GALNT1: variants seen among roughly 807,000 people sequenced by gnomAD.
GALNT1 encodes the protein GalNAc transferase 1.
GALNT1 carries 17 observed loss-of-function variants against 65.7 expected under a neutral mutation model. That is an observed-to-expected ratio of 0.26 (90% confidence interval 0.18 to 0.39). The LOEUF is 0.39. Ranked by LOEUF, GALNT1 falls within the 10% of genes least tolerant of loss-of-function variation. The pLI is 1.00. For synonymous variants in GALNT1, 210 were observed against 219.7 expected, an observed-to-expected ratio of 0.96 and a Z score of 0.39; for missense variants, 460 against 672.8, an observed-to-expected ratio of 0.68 and a Z score of 3.50.
At position 35,650,861 on chromosome 18, in the gene GALNT1, C is replaced by T. The variant is rs542948655; in HGVS notation, c.-103-3699C>T. 8.6e-5 allele frequency among the ~76,000 whole-genome samples: 13 copies of T among 152,032 alleles called. No individual in the cohort carries two copies. The South Asian group carries it at 1.2e-3, about 15-fold the overall frequency. The stretch of plus-strand genomic sequence containing the variant: ...ACACAACCATCACAGGGTCCTGAGG[C>T]GACATTCATTCTCAGCTTAAGAAGA... On this transcript the variant is annotated intron_variant, in intron 1 of 11. Transcript: ENST00000269195.
chr18:35,645,243 T>TTTC (rs1221946566), intron 1 of GALNT1, among the ~76,000 whole-genome samples: 2 of 140,714 alleles, frequency 1.4e-5, no homozygotes, highest in Admixed American at 1.4e-4. Context: ...TTTTTTTTTT[T>TTTC]TCTGGGAGAT....
intron 1 of GALNT1, among the ~76,000 whole-genome samples, chr18:35,626,653 G>T (rs627302): frequency 0.34 from 50,970 of 152,022 alleles, 9,342 homozygotes; most frequent in Middle Eastern, 0.52. Context: ...TTCAGACATT[G>T]GGAGGTCTGG....
intron 4 of GALNT1, among the ~76,000 whole-genome samples, chr18:35,681,466 T>C (rs1284037971): frequency 6.6e-6 from 1 of 151,802 alleles, no homozygotes; most frequent in Non-Finnish European, 1.5e-5. Flanking sequence ...TTTTGTGAGT[T>C]ACCCGACCAC....
At chr18:35,598,138 C>T (rs916517222) in intron 1 of GALNT1, among the ~76,000 whole-genome samples, 7 of 150,704 alleles carry the variant, frequency 4.6e-5, no homozygotes, top group Non-Finnish European at 7.4e-5. Context: ...CGGATTCAAG[C>T]GATTCTCCTG....
chr18:35,595,051 TGTCAGTGTGAGGGTAAG>T (rs2046488411), intron 1 of GALNT1, among the ~76,000 whole-genome samples: 1 of 152,118 alleles, frequency 6.6e-6, no homozygotes. Flanking sequence ...TAAAGATCAG[TGTCAGTGTGAGGGTAAG>T]TTTTTTGGGA....
intron 1 of GALNT1, among the ~76,000 whole-genome samples, chr18:35,650,475 G>C (rs559331405): frequency 2.0e-5 from 3 of 152,286 alleles, no homozygotes; most frequent in Non-Finnish European, 4.4e-5. Context: ...CAGACAACCG[G>C]TCTGATCAAA....
At chr18:35,625,097 A>G (rs1313873792) in intron 1 of GALNT1, among the ~76,000 whole-genome samples, 1 of 152,240 alleles carries the variant, frequency 6.6e-6, no homozygotes, top group Non-Finnish European at 1.5e-5. Context: ...TGTCTTGTAG[A>G]TTAGTTTCTG....
chr18:35,679,376 G>C (rs2047755761), intron 4 of GALNT1, among the ~76,000 whole-genome samples: 1 of 152,106 alleles, frequency 6.6e-6, no homozygotes, highest in Non-Finnish European at 1.5e-5. Flanking sequence ...GCCCAAGAAG[G>C]CTGTGTAGAA....
intron 9 of GALNT1, among the ~76,000 whole-genome samples, chr18:35,693,102 CTGACAAGTGAGCG>C (rs975866982): frequency 7.9e-5 from 12 of 152,128 alleles, no homozygotes; most frequent in Admixed American, 3.3e-4. Flanking sequence ...TAGAGAATGA[CTGACAAGTGAGCG>C]TGGGTAGTAG....
chr18:35,605,355 G>A (rs1010688793), intron 1 of GALNT1, among the ~76,000 whole-genome samples: 9 of 152,026 alleles, frequency 5.9e-5, no homozygotes, highest in Middle Eastern at 3.4e-3. Flanking sequence ...AAAATTAGCC[G>A]GGTGTGATGA....
At chr18:35,651,746 A>T (rs538240227) in intron 1 of GALNT1, among the ~76,000 whole-genome samples, 1 of 152,372 alleles carries the variant, frequency 6.6e-6, no homozygotes, top group East Asian at 1.9e-4. Context: ...AATGGTGGCA[A>T]TAAAGGTAGC....
In GALNT1 at chr18:35,612,882, G is replaced by A. The variant is rs112076723; in HGVS notation, c.-104+31020G>A. 7.2e-3 allele frequency among the ~76,000 whole-genome samples: 1,095 copies of A among 151,590 alleles called. 20 individuals carry two copies. Among genetic ancestry groups the A allele is most frequent in the African/African-American group, 0.025 (1,016 of 41,294 alleles). On this transcript the variant is annotated intron_variant, in intron 1 of 11. Transcript: ENST00000269195. ...CTCTGTCTCAAAAAAAAAAAAATCCGTAGGCAGCTCTCCATCATACCTCAC... is the reference window on the plus strand; with the variant it reads ...CTCTGTCTCAAAAAAAAAAAAATCCATAGGCAGCTCTCCATCATACCTCAC...
chr18:35,601,884 G>A lies in GALNT1; in HGVS notation c.-104+20022G>A, dbSNP rs143176219. Among the ~76,000 whole-genome samples, 22 of 152,260 alleles carry A rather than the reference G, an allele frequency of 1.4e-4. No individual in the cohort carries two copies. The East Asian group carries it at 3.5e-3, about 24-fold the overall frequency. ...TTTTTGATAGATTTGTCTTTTAGTC[G>A]TCATTCTAGTGATGTGAATGGATTA... On this transcript the variant is annotated intron_variant, in intron 1 of 11. Transcript: ENST00000269195.
chr18:35,600,077 AG>A (rs1160150157), intron 1 of GALNT1, among the ~76,000 whole-genome samples: 1 of 152,178 alleles, frequency 6.6e-6, no homozygotes, highest in Non-Finnish European at 1.5e-5. Context: ...GTATTTTGAT[AG>A]GGATGCCCTG....
At chr18:35,695,812 G>A (rs2144693824) in intron 9 of GALNT1, among the ~76,000 whole-genome samples, 1 of 152,312 alleles carries the variant, frequency 6.6e-6, no homozygotes, top group African/African-American at 2.4e-5. Context: ...GGTCAAAGAA[G>A]GCCCAGGGTG....
At chr18:35,686,029 T>C (rs1014575238) in intron 5 of GALNT1, among the ~76,000 whole-genome samples, 1 of 152,110 alleles carries the variant, frequency 6.6e-6, no homozygotes, top group African/African-American at 2.4e-5. Flanking sequence ...GAGTGCACCA[T>C]TGCCCTCTAG....
At chr18:35,709,532 C>A (rs1325669631) in intron 11 of GALNT1, 92 bp from the exon 12 acceptor site, 14 of 1,347,546 alleles carry the variant, frequency 1.0e-5, no homozygotes, top group Non-Finnish European at 2.0e-6. Context: ...CCAAAAAAAA[C>A]ACCTTTTCTG....
At chr18:35,602,818 A>G (rs983927032) in intron 1 of GALNT1, among the ~76,000 whole-genome samples, 4 of 152,064 alleles carry the variant, frequency 2.6e-5, no homozygotes, top group African/African-American at 7.2e-5. Context: ...TCTTGATCTG[A>G]GAGCTCGCAC....
intron 3 of GALNT1, among the ~76,000 whole-genome samples, chr18:35,666,498 A>T (rs2047550946): frequency 6.6e-6 from 1 of 152,232 alleles, no homozygotes. Context: ...CCTTACATTT[A>T]CTTCAAGAGC....
Sources: allele counts gnomAD v4.1 joint callset (sites outside exome capture counted in the v4.1 genomes callset), GRCh38; gene constraint gnomAD v4.1.1; transcripts MANE v1.5; gene names NCBI Gene and HGNC (gene_info 2026-07-23, HGNC 2026-07-21).